The following FAAH variants were observed in gnomAD, a reference collection of about 807,000 sequenced individuals.
FAAH encodes the protein fatty acid amide hydrolase.
Under a neutral mutation model 69.7 loss-of-function variants are expected in FAAH, and 63 were observed. The ratio of observed to expected loss-of-function variants is 0.90; its 90% CI spans 0.74 to 1.12. The LOEUF is 1.12. Among genes scored for constraint, FAAH ranks in the 50% most tolerant of loss-of-function variants. FAAH has a pLI of 0.00. For missense variants in FAAH, 680 were observed against 755.0 expected, an observed-to-expected ratio of 0.90 and a Z score of 1.16; for synonymous variants, 305 against 324.2, an observed-to-expected ratio of 0.94 and a Z score of 0.64.
chr1:46,398,689 C>G (rs200649326), intron 1 of FAAH, among the ~76,000 whole-genome samples: 1 of 152,092 alleles, frequency 6.6e-6, no homozygotes, highest in Non-Finnish European at 1.5e-5. Context: ...TGCCTGCCAC[C>G]ACATCCAGCT....
In FAAH at chr1:46,405,685, G is replaced by T. The variant is rs969987411; in HGVS notation, c.676G>T (p.Gly226Trp). Residue 226 changes from glycine (G) to tryptophan (W), a missense_variant, in exon 5 of 15, where the codon GGG (glycine) becomes TGG (tryptophan). Transcript: ENST00000243167. This position sits in a 1 kb window ranked among gnomAD's most constrained non-coding sequence, Gnocchi z 4.1. ...GSSGGEGALI[G>W]SGGSPLGLGT... ...CTCAGGGGGTGAAGGGGCCCTCATC[G>T]GGTCTGGAGGCTCCCCCCTGGGCTT... The T allele has an allele frequency of 6.2e-7, 1 of 1,613,450 alleles. No homozygotes were observed. The highest frequency in any genetic ancestry group is 1.3e-5 in the African/African-American group (1 of 74,934).
rs200807011 is a variant in FAAH at position 46,408,583 on chromosome 1, C to T, written c.1076C>T (p.Thr359Met). The change falls in exon 8 of 15, where the codon ACG (threonine) becomes ATG (methionine). Residue 359 changes from threonine to methionine, a missense_variant and splice_region_variant. Coordinates refer to ENST00000243167, the MANE Select transcript of FAAH (RefSeq NM_001441.3). ...TKQSLEAAGH[T>M]LVPFLPSNIP... ...CAGAGCCTTGAGGCTGCGGGGCACA[C>T]GGTATGACTGCAGGGTCCTGGAAGT... is the stretch of plus-strand genomic sequence containing the variant. 14 of 1,614,038 alleles carry T rather than the reference C, an allele frequency of 8.7e-6. No individual in the cohort carries two copies. The highest frequency in any genetic ancestry group is 4.4e-5 in the South Asian group (4 of 91,090).
chr1:46,413,754 C>G lies in FAAH; in HGVS notation c.*179C>G. ...CTGAGTCTGGACCTCCATCCCTGCT[C>G]TGGTCCCCTCTCTTCGTCCTGATCC... On this transcript the variant is annotated 3_prime_UTR_variant, in exon 15 of 15. Transcript: ENST00000243167. The G allele has an allele frequency of 1.2e-6, 1 of 822,326 alleles. No homozygotes were observed. Among genetic ancestry groups the G allele is most frequent in the South Asian group, 1.6e-5 (1 of 63,130 alleles). 50.9% of individuals were successfully genotyped at this position (822,326 alleles called of 1,614,324 possible).
At position 46,402,080 on chromosome 1, in the gene FAAH, G is replaced by T. The variant is rs893828089; in HGVS notation, c.196-11G>T. On this transcript the variant is annotated splice_polypyrimidine_tract_variant and intron_variant, in intron 1 of 14. Transcript: ENST00000243167. ...GCGAGTAGGGGACTGATCCGAGTTT[G>T]TTCCCCACAGAACCCAGACCTGGAC... 1.3e-6 allele frequency: 2 copies of T among 1,596,890 alleles called. No homozygotes were observed. Among genetic ancestry groups the T allele is most frequent in the East Asian group, 2.3e-5 (1 of 44,176 alleles).
At position 46,411,689 on chromosome 1, in the gene FAAH, G is replaced by T. The variant is rs775134391; in HGVS notation, c.1356+38G>T. The T allele has an allele frequency of 1.2e-6, 2 of 1,612,192 alleles. No individual in the cohort carries two copies. Among genetic ancestry groups the T allele is most frequent in the South Asian group, 1.1e-5 (1 of 90,902 alleles). ...CCTCTGGATTGGAGCAGGGTGGTGG[G>T]GGGAGGGTGGAGTTGGACAGGGTAC... On this transcript the variant is annotated intron_variant, in intron 12 of 14. Transcript: ENST00000243167. The surrounding 1 kb of genome is among the most constrained non-coding windows in gnomAD (Gnocchi z 4.8).
chr1:46,405,199 G>T lies in FAAH; in HGVS notation c.444+51G>T. On this transcript the variant is annotated intron_variant, in intron 3 of 14. Transcript: ENST00000243167. This position sits in a 1 kb window ranked among gnomAD's most constrained non-coding sequence, Gnocchi z 4.1. ...TCCATCGTCCCCTCCATCCCTGCCA[G>T]CCTGCTCTGCATCTTGGGTCATTTT... The T allele has an allele frequency of 2.5e-6, 4 of 1,613,330 alleles. No individual in the cohort carries two copies. The highest frequency in any genetic ancestry group is 3.4e-6 in the Non-Finnish European group (4 of 1,180,036).
chr1:46,400,642 C>A (rs1036724668), intron 1 of FAAH, among the ~76,000 whole-genome samples: 1 of 149,432 alleles, frequency 6.7e-6, no homozygotes, highest in East Asian at 2.0e-4. Context: ...GGTCAAAAGT[C>A]GGGCAGGTGA....
chr1:46,404,907 C>T lies in FAAH; in HGVS notation c.310-107C>T. On this transcript the variant is annotated intron_variant, in intron 2 of 14. Transcript: ENST00000243167. This position sits in a 1 kb window ranked among gnomAD's most constrained non-coding sequence, Gnocchi z 4.5. ...CTGGGCCATGTTGCTGGTTACCCCT[C>T]TCCCTGGGTATACTTTAAAAGGCCA... 1 of 1,495,018 alleles carries T rather than the reference C, an allele frequency of 6.7e-7. No individual in the cohort carries two copies. The highest frequency in any genetic ancestry group is 9.2e-7 in the Non-Finnish European group (1 of 1,087,438). 92.6% of individuals were successfully genotyped at this position (1,495,018 alleles called of 1,614,324 possible). A position where few individuals can be genotyped will look rare whatever the true frequency, so the allele number is the denominator to read the frequency against.
chr1:46,410,186 G>A lies in FAAH; in HGVS notation c.1176-212G>A, dbSNP rs1177878009. 3.2e-6 allele frequency: 2 copies of A among 616,354 alleles called. No homozygotes were observed. Among genetic ancestry groups the A allele is most frequent in the Admixed American group, 2.5e-5 (1 of 39,318 alleles). The allele number at this position is 616,354 out of a possible 1,614,324, so 38.2% of individuals were successfully genotyped here. A position where few individuals can be genotyped will look rare whatever the true frequency, so the allele number is the denominator to read the frequency against. On this transcript the variant is annotated intron_variant, in intron 9 of 14. Coordinates refer to ENST00000243167, the MANE Select transcript of FAAH (RefSeq NM_001441.3). This position sits in a 1 kb window ranked among gnomAD's most constrained non-coding sequence, Gnocchi z 4.9. Reference sequence around the variant, plus strand: ...GCTGGAGAGGGATACCCTGAGTCCTGCCTTGGGGAGCTCCCGTGGATGTGG... The same window carrying A: ...GCTGGAGAGGGATACCCTGAGTCCTACCTTGGGGAGCTCCCGTGGATGTGG...
At chr1:46,413,355 G>C (rs41294524) in intron 14 of FAAH, 92 bp from the exon 15 acceptor site, 1 of 1,610,006 alleles carries the variant, frequency 6.2e-7, no homozygotes, top group Non-Finnish European at 8.5e-7. Context: ...CTGGCCCTAC[G>C]TTGTGGCCTC....
chr1:46,407,291 A>C (rs1294752625), intron 7 of FAAH, among the ~76,000 whole-genome samples: 3 of 152,030 alleles, frequency 2.0e-5, no homozygotes, highest in African/African-American at 7.2e-5. Flanking sequence ...TTTAAGGTGG[A>C]TCTTTCAACA....
chr1:46,403,622 G>C (rs1279350558), intron 2 of FAAH, among the ~76,000 whole-genome samples: 1 of 152,196 alleles, frequency 6.6e-6, no homozygotes, highest in Non-Finnish European at 1.5e-5. Context: ...GGCTTGGGTG[G>C]GGCTCCTTTA....
chr1:46,399,098 C>G (rs904694521), intron 1 of FAAH, among the ~76,000 whole-genome samples: 1 of 152,098 alleles, frequency 6.6e-6, no homozygotes, highest in Non-Finnish European at 1.5e-5. Context: ...CTATTTATGC[C>G]CTTATGCCTT....
chr1:46,413,287 C>T, intron 14 of FAAH, 67 bp downstream of exon 14: 2 of 1,612,340 alleles, frequency 1.2e-6, no homozygotes, highest in Non-Finnish European at 1.7e-6. Context: ...GTGGAGGAAA[C>T]AGTACCAGCA....
chr1:46,405,295 T>C lies in FAAH; in HGVS notation c.445-77T>C. ...ACTGGTATACCTGTTTTGGCCTGTG[T>C]GACAGTTGTTGGAGTGGACCCTTGG... On this transcript the variant is annotated intron_variant, in intron 3 of 14. Transcript: ENST00000243167. The surrounding 1 kb of genome is among the most constrained non-coding windows in gnomAD (Gnocchi z 4.1). 6.2e-7 allele frequency: 1 copy of C among 1,606,090 alleles called. No homozygotes were observed. Among genetic ancestry groups the C allele is most frequent in the Non-Finnish European group, 8.5e-7 (1 of 1,179,636 alleles).
At chr1:46,403,197 C>T (rs1172159765) in intron 2 of FAAH, among the ~76,000 whole-genome samples, 1 of 151,936 alleles carries the variant, frequency 6.6e-6, no homozygotes, top group African/African-American at 2.4e-5. Context: ...GTGGCATGAT[C>T]TTGGCTCACT....
intron 1 of FAAH, 39 bp downstream of exon 1, chr1:46,394,582 G>A (rs1664563610): frequency 7.7e-7 from 1 of 1,291,972 alleles, no homozygotes; most frequent in Non-Finnish European, 9.8e-7. Context: ...GCGGCCTGAG[G>A]GTACTCGCAG....
intron 1 of FAAH, among the ~76,000 whole-genome samples, chr1:46,399,182 C>A (rs772248510): frequency 2.6e-5 from 4 of 152,224 alleles, no homozygotes; most frequent in Non-Finnish European, 4.4e-5. Context: ...ATCCCACTGG[C>A]ATTGTGGTTC....
chr1:46,410,795 C>T lies in FAAH; in HGVS notation c.1276-19C>T. 1.2e-6 allele frequency: 2 copies of T among 1,614,184 alleles called. No homozygotes were observed. Among genetic ancestry groups the T allele is most frequent in the Non-Finnish European group, 1.7e-6 (2 of 1,180,026 alleles). On this transcript the variant is annotated intron_variant, in intron 10 of 14. Transcript: ENST00000243167. The surrounding 1 kb of genome is among the most constrained non-coding windows in gnomAD (Gnocchi z 4.9). ...GTGGCCCAGAGCTGAGTCACCGACC[C>T]TGCGTCTGTCCTGTGCAGCTGCCAA...
Sources: gnomAD v4.1 joint callset for allele counts (sites outside exome capture counted in the v4.1 genomes callset) on GRCh38, gnomAD v4.1.1 for gene constraint, Gnocchi (gnomAD v3.1) non-coding constraint, MANE v1.5 for transcripts, NCBI Gene and HGNC (gene_info 2026-07-23, HGNC 2026-07-21) for gene names.